The following CDH4 variants were observed in gnomAD, a reference collection of about 807,000 sequenced individuals.
CDH4 encodes cadherin 4, also known as cadherin-4.
CDH4 carries 33 observed loss-of-function variants against 86.0 expected under a neutral mutation model. That is an observed-to-expected ratio of 0.38 (90% CI 0.29 to 0.51). CDH4 has a LOEUF of 0.51. Ranked by LOEUF, CDH4 falls within the 20% of genes least tolerant of loss-of-function variation. The pLI, the probability that CDH4 is intolerant of heterozygous loss-of-function variation, is 0.86. For missense variants in CDH4, 1,114 were observed against 1,307.4 expected, an observed-to-expected ratio of 0.85 and a Z score of 2.28; for synonymous variants, 555 against 549.4, an observed-to-expected ratio of 1.01 and a Z score of -0.14.
At chr20:61,729,805 G>A (rs754518108) in intron 2 of CDH4, among the ~76,000 whole-genome samples, 5 of 152,270 alleles carry the variant, frequency 3.3e-5, no homozygotes, top group African/African-American at 1.2e-4. Context: ...AGATTACAGC[G>A]TTGGATGCAT....
At chr20:61,436,192 C>T (rs1332649932) in intron 2 of CDH4, among the ~76,000 whole-genome samples, 1 of 152,152 alleles carries the variant, frequency 6.6e-6, no homozygotes, top group Non-Finnish European at 1.5e-5. Context: ...TCACCTTGCT[C>T]CTCTCTTAAG....
At chr20:61,299,395 A>G (rs1203041439) in intron 2 of CDH4, among the ~76,000 whole-genome samples, 1 of 152,116 alleles carries the variant, frequency 6.6e-6, no homozygotes, top group African/African-American at 2.4e-5. Context: ...GACAGAATCC[A>G]TTTCCATTGC....
At chr20:61,619,716 C>T (rs1333342139) in intron 2 of CDH4, among the ~76,000 whole-genome samples, 6 of 152,204 alleles carry the variant, frequency 3.9e-5, no homozygotes, top group African/African-American at 1.4e-4. Context: ...TGTATCCTCA[C>T]GTGAGCGCTG....
intron 2 of CDH4, among the ~76,000 whole-genome samples, chr20:61,418,548 G>T (rs540408199): frequency 1.3e-5 from 2 of 152,228 alleles, no homozygotes; most frequent in East Asian, 3.9e-4. Context: ...GTGTGAGCTG[G>T]TTTTCCTCCC....
At chr20:61,317,250 C>T (rs912074334) in intron 2 of CDH4, among the ~76,000 whole-genome samples, 40 of 151,998 alleles carry the variant, frequency 2.6e-4, no homozygotes, top group Admixed American at 1.8e-3. Flanking sequence ...TGGTGGCGAG[C>T]GCCCGCAGTC....
intron 3 of CDH4, among the ~76,000 whole-genome samples, chr20:61,744,082 T>C (rs1428764488): frequency 6.6e-6 from 1 of 152,298 alleles, no homozygotes; most frequent in East Asian, 1.9e-4. Flanking sequence ...GCCCCAAATT[T>C]TCATTTCAAA....
chr20:61,383,355 A>G (rs866710886), intron 2 of CDH4, among the ~76,000 whole-genome samples: 820 of 59,372 alleles, frequency 0.014, 42 homozygotes, highest in African/African-American at 0.08. Flanking sequence ...ATGAATATAT[A>G]TGGATATATA....
chr20:61,697,427 G>A (rs1370093014), intron 2 of CDH4, among the ~76,000 whole-genome samples: 4 of 152,062 alleles, frequency 2.6e-5, no homozygotes, highest in East Asian at 1.9e-4. Context: ...GTAAAACCCC[G>A]TCTCTACTAA....
At chr20:61,874,319 C>T (rs746007965) in intron 7 of CDH4, among the ~76,000 whole-genome samples, 2 of 152,114 alleles carry the variant, frequency 1.3e-5, no homozygotes, top group Non-Finnish European at 2.9e-5. Context: ...ACCCAGGCTG[C>T]GGCGGCCTGG....
chr20:61,720,479 G>T (rs150907018), intron 2 of CDH4, among the ~76,000 whole-genome samples: 15 of 147,298 alleles, frequency 1.0e-4, no homozygotes, highest in Middle Eastern at 3.6e-3. Flanking sequence ...GGTGGAGAAT[G>T]CAGGGGTGTA....
chr20:61,688,952 T>C (rs568154201), intron 2 of CDH4, among the ~76,000 whole-genome samples: 1 of 152,310 alleles, frequency 6.6e-6, no homozygotes, highest in African/African-American at 2.4e-5. Context: ...AAAACACACA[T>C]GTATCCTGTA....
chr20:61,606,553 C>A (rs571489187), intron 2 of CDH4, among the ~76,000 whole-genome samples: 2 of 152,366 alleles, frequency 1.3e-5, no homozygotes, highest in East Asian at 3.9e-4. Flanking sequence ...CTCCCAGTTC[C>A]TCTGCATATC....
At chr20:61,309,271 G>A (rs1313341797) in intron 2 of CDH4, among the ~76,000 whole-genome samples, 1 of 152,222 alleles carries the variant, frequency 6.6e-6, no homozygotes, top group African/African-American at 2.4e-5. Context: ...GAGCTTGTGT[G>A]CAGGCTGTGG....
chr20:61,921,377 C>T (rs1434615641), intron 9 of CDH4, among the ~76,000 whole-genome samples: 1 of 152,256 alleles, frequency 6.6e-6, no homozygotes, highest in Non-Finnish European at 1.5e-5. Context: ...GCAATCTGCA[C>T]TTTTTGCAGG....
chr20:61,710,765 G>C (rs1264009078), intron 2 of CDH4, among the ~76,000 whole-genome samples: 2 of 152,214 alleles, frequency 1.3e-5, no homozygotes, highest in African/African-American at 4.8e-5. Flanking sequence ...GAGACCAGAT[G>C]CTCACTTATT....
chr20:61,435,319 G>A (rs1039921228), intron 2 of CDH4, among the ~76,000 whole-genome samples: 5 of 152,228 alleles, frequency 3.3e-5, no homozygotes, highest in African/African-American at 9.6e-5. Context: ...CCCAGGACAG[G>A]CAGCCACAAG....
At chr20:61,400,519 C>T (rs1375762792) in intron 2 of CDH4, among the ~76,000 whole-genome samples, 1 of 152,144 alleles carries the variant, frequency 6.6e-6, no homozygotes, top group Non-Finnish European at 1.5e-5. Flanking sequence ...GGACTACTGT[C>T]AAAGGTTTAT....
chr20:61,513,977 G>C (rs1341190822), intron 2 of CDH4, among the ~76,000 whole-genome samples: 2 of 152,208 alleles, frequency 1.3e-5, no homozygotes, highest in South Asian at 2.1e-4. Flanking sequence ...GCCAAGCAGA[G>C]AGAATGGGCA....
intron 2 of CDH4, chr20:61,499,316 C>A: frequency 2.0e-6 from 1 of 505,376 alleles, no homozygotes; most frequent in Non-Finnish European, 3.4e-6. Flanking sequence ...TGGCCAGGTA[C>A]TTTCATCCCC....
Sources: gnomAD v4.1 joint callset for allele counts (sites outside exome capture counted in the v4.1 genomes callset) on GRCh38, gnomAD v4.1.1 for gene constraint, MANE v1.5 for transcripts, NCBI Gene and HGNC (gene_info 2026-07-23, HGNC 2026-07-21) for gene names.